The following RAPGEF4 variants were observed in gnomAD, a reference collection of about 807,000 sequenced individuals.
The protein encoded by RAPGEF4 is Rap guanine nucleotide exchange factor 4.
A neutral mutation model predicts 147.9 loss-of-function variants in RAPGEF4; 66 were observed. The observed-to-expected ratio is 0.45, with a 90% confidence interval of 0.37 to 0.55. The LOEUF (loss-of-function observed/expected upper bound fraction) is 0.55. RAPGEF4 is among the 20% of genes least tolerant of loss of function. The pLI, the probability that RAPGEF4 is intolerant of heterozygous loss-of-function variation, is 0.00. For missense variants in RAPGEF4, 1,071 were observed against 1,257.3 expected, an observed-to-expected ratio of 0.85 and a Z score of 2.24; for synonymous variants, 419 against 442.7, an observed-to-expected ratio of 0.95 and a Z score of 0.67.
chr2:172,996,453 G>A lies in RAPGEF4; in HGVS notation c.1491-13G>A, dbSNP rs374499204. ...CTTTTGAAAAATTAATGGCATTTTT[G>A]TTTCTTATCCAGGTATACTGTGATG... On this transcript the variant is annotated splice_polypyrimidine_tract_variant and intron_variant, in intron 15 of 30. Transcript: ENST00000397081. 5 of 1,466,484 alleles carry A rather than the reference G, an allele frequency of 3.4e-6. No homozygotes were observed. The highest frequency in any genetic ancestry group is 3.6e-6 in the Non-Finnish European group (4 of 1,097,482). 90.8% of individuals were successfully genotyped at this position (1,466,484 alleles called of 1,614,324 possible).
At chr2:172,831,757 A>G (rs1488312084) in intron 4 of RAPGEF4, among the ~76,000 whole-genome samples, 1 of 152,156 alleles carries the variant, frequency 6.6e-6, no homozygotes, top group African/African-American at 2.4e-5. Context: ...TGGGATATCA[A>G]ATTGGTACCA....
At position 172,783,263 on chromosome 2, in the gene RAPGEF4, G is replaced by A. The variant is rs535561945; in HGVS notation, c.66-11762G>A. On this transcript the variant is annotated intron_variant, in intron 1 of 30. Transcript: ENST00000397081. ...GTGGTCGGGGAGGTGGAAGTATTTG[G>A]ACCTTTTTATTGCTTTGCTTAAGGG... 2.6e-5 allele frequency among the ~76,000 whole-genome samples: 4 copies of A among 152,308 alleles called. No individual in the cohort carries two copies. The South Asian group carries it at 8.3e-4, about 32-fold the overall frequency.
intron 6 of RAPGEF4, among the ~76,000 whole-genome samples, chr2:172,946,395 C>T (rs191162655): frequency 1.8e-4 from 27 of 152,220 alleles, no homozygotes; most frequent in Admixed American, 1.6e-3. Context: ...AAGGTAGAAA[C>T]CTATACCTGA....
intron 6 of RAPGEF4, among the ~76,000 whole-genome samples, chr2:172,948,835 G>A (rs1392657642): frequency 6.6e-6 from 1 of 152,064 alleles, no homozygotes; most frequent in Non-Finnish European, 1.5e-5. Flanking sequence ...AGACGATCAG[G>A]AACAATAACT....
intron 10 of RAPGEF4, among the ~76,000 whole-genome samples, chr2:172,971,236 G>A (rs551897572): frequency 3.3e-5 from 5 of 152,172 alleles, no homozygotes; most frequent in Non-Finnish European, 5.9e-5. Context: ...GAGACAGGAC[G>A]CTCTGCTGTA....
In RAPGEF4 at chr2:172,899,276, C is replaced by T. The variant is rs79507613; in HGVS notation, c.445-18526C>T. ...TAATTTATAGGAAAGCCCAGTGTAG[C>T]TATTTTCTGATGAGAAAATTGGCAT... is the stretch of plus-strand genomic sequence containing the variant. On this transcript the variant is annotated intron_variant, in intron 4 of 30. Coordinates refer to ENST00000397081, the MANE Select transcript of RAPGEF4 (RefSeq NM_007023.4). 1.9e-3 allele frequency among the ~76,000 whole-genome samples: 294 copies of T among 152,328 alleles called. 1 individual carries two copies. Among genetic ancestry groups the T allele is most frequent in the Non-Finnish European group, 3.4e-3 (234 of 68,030 alleles).
At chr2:172,781,460 A>G (rs1476701273) in intron 1 of RAPGEF4, among the ~76,000 whole-genome samples, 1 of 152,082 alleles carries the variant, frequency 6.6e-6, no homozygotes, top group Non-Finnish European at 1.5e-5. Context: ...AGCAGAGATG[A>G]GGTCTTGCTT....
At chr2:172,823,857 A>G (rs1689374320) in intron 4 of RAPGEF4, among the ~76,000 whole-genome samples, 1 of 152,232 alleles carries the variant, frequency 6.6e-6, no homozygotes, top group African/African-American at 2.4e-5. Flanking sequence ...ATTCTGGTCT[A>G]TTCTTGGTTT....
intron 10 of RAPGEF4, among the ~76,000 whole-genome samples, chr2:172,972,698 G>A (rs1202951815): frequency 1.3e-5 from 2 of 152,168 alleles, no homozygotes. Flanking sequence ...CCATTGGATT[G>A]CTACCTTTAT....
intron 7 of RAPGEF4, 130 bp downstream of exon 7, chr2:172,960,943 G>A (rs1237378713): frequency 2.7e-5 from 24 of 894,508 alleles, no homozygotes; most frequent in Non-Finnish European, 3.7e-5. Flanking sequence ...AATATTCAGT[G>A]TTTCAGTTCT....
chr2:172,965,157 G>A (rs892918509), intron 8 of RAPGEF4: 7 of 186,280 alleles, frequency 3.8e-5, no homozygotes, highest in South Asian at 1.4e-4. Context: ...TAACTCATTC[G>A]GCACGAGACT....
intron 5 of RAPGEF4, among the ~76,000 whole-genome samples, chr2:172,920,933 A>G (rs971524687): frequency 2.0e-5 from 3 of 151,994 alleles, no homozygotes; most frequent in Non-Finnish European, 2.9e-5. Flanking sequence ...TCTCTGTTTC[A>G]GAGAATAGCT....
intron 4 of RAPGEF4, among the ~76,000 whole-genome samples, chr2:172,819,624 C>T (rs1457942817): frequency 2.6e-5 from 4 of 151,236 alleles, no homozygotes; most frequent in Non-Finnish European, 5.9e-5. Flanking sequence ...CGCCACTACG[C>T]CCGGCTAATT....
chr2:173,008,772 G>T (rs1694737117), intron 17 of RAPGEF4, among the ~76,000 whole-genome samples: 1 of 152,098 alleles, frequency 6.6e-6, no homozygotes, highest in African/African-American at 2.4e-5. Context: ...TTAAGAATAA[G>T]TAAATGAGCA....
chr2:172,883,102 A>C (rs1374068083), intron 4 of RAPGEF4, among the ~76,000 whole-genome samples: 1 of 97,288 alleles, frequency 1.0e-5, no homozygotes, highest in Non-Finnish European at 2.8e-5. Context: ...ATATGTGTTA[A>C]AAAAAAAAAG....
chr2:172,977,697 C>T (rs1262355554), intron 10 of RAPGEF4, among the ~76,000 whole-genome samples: 3 of 152,160 alleles, frequency 2.0e-5, no homozygotes, highest in South Asian at 2.1e-4. Context: ...ACTTTCAATC[C>T]TAATGACATG....
rs528066849 is a variant in RAPGEF4, at chr2:172,920,566, C to T, written c.518-1715C>T. Among the ~76,000 whole-genome samples the T allele has an allele frequency of 2.6e-5, 4 of 152,246 alleles. No homozygotes were observed. The South Asian group carries it at 8.3e-4, about 32-fold the overall frequency. On this transcript the variant is annotated intron_variant, in intron 5 of 30. Transcript: ENST00000397081. ...CTGCTGCTTGAAACCTTTCAATGAT[C>T]ATCCATTGCCTGCCATGGAAGGTGA...
intron 6 of RAPGEF4, among the ~76,000 whole-genome samples, chr2:172,936,292 G>A (rs1575301908): frequency 1.3e-5 from 2 of 152,052 alleles, no homozygotes; most frequent in Non-Finnish European, 2.9e-5. Context: ...ACTTGAACCC[G>A]GGAGGCAGAG....
At chr2:172,771,645 A>G (rs1387142893) in intron 1 of RAPGEF4, among the ~76,000 whole-genome samples, 2 of 152,038 alleles carry the variant, frequency 1.3e-5, no homozygotes, top group Non-Finnish European at 2.9e-5. Context: ...AGGTCTCACT[A>G]TATTGCCCAG....
Sources: allele counts gnomAD v4.1 joint callset (sites outside exome capture counted in the v4.1 genomes callset), GRCh38; gene constraint gnomAD v4.1.1; transcripts MANE v1.5; gene names NCBI Gene and HGNC (gene_info 2026-07-23, HGNC 2026-07-21).